SLC25A21: variants seen among roughly 807,000 people sequenced by gnomAD.
SLC25A21 encodes the protein mitochondrial 2-oxodicarboxylate carrier.
SLC25A21 carries 47 observed loss-of-function variants against 43.8 expected under a neutral mutation model. The ratio of observed to expected loss-of-function variants is 1.07; its 90% CI spans 0.85 to 1.37. SLC25A21 has a LOEUF of 1.37. Ranked by LOEUF, SLC25A21 falls within the 40% of genes most tolerant of loss-of-function variation. The pLI, the probability that SLC25A21 is intolerant of heterozygous loss-of-function variation, is 0.00. For synonymous variants in SLC25A21, 131 were observed against 121.3 expected, an observed-to-expected ratio of 1.08 and a Z score of -0.52; for missense variants, 352 against 350.2, an observed-to-expected ratio of 1.00 and a Z score of -0.04.
chr14:36,957,358 A>C (rs1294165927), intron 1 of SLC25A21, among the ~76,000 whole-genome samples: 3 of 152,220 alleles, frequency 2.0e-5, no homozygotes, highest in Non-Finnish European at 4.4e-5. Context: ...TGCTAGGGTG[A>C]AACAGGCTGA....
intron 1 of SLC25A21, among the ~76,000 whole-genome samples, chr14:37,088,484 C>G (rs1183049169): frequency 6.6e-6 from 1 of 152,192 alleles, no homozygotes; most frequent in Non-Finnish European, 1.5e-5. Flanking sequence ...ATTTTTCTGT[C>G]AGACTAAGTC....
At chr14:37,163,231 T>C (rs948456634) in intron 1 of SLC25A21, among the ~76,000 whole-genome samples, 1 of 151,890 alleles carries the variant, frequency 6.6e-6, no homozygotes, top group Non-Finnish European at 1.5e-5. Context: ...GCATGGCACA[T>C]GTATACATAT....
chr14:37,151,477 G>T (rs1423401709), intron 1 of SLC25A21, among the ~76,000 whole-genome samples: 1 of 152,168 alleles, frequency 6.6e-6, no homozygotes, highest in African/African-American at 2.4e-5. Context: ...ACAAGAAATG[G>T]ACTTTTGTAC....
Position 37,172,263 on chromosome 14 carries a change from A to G in SLC25A21, c.70+18T>C. 4 of 1,579,638 alleles carry G rather than the reference A, an allele frequency of 2.5e-6. 1 individual carries two copies. Among genetic ancestry groups the G allele is most frequent in the Middle Eastern group, 1.7e-4 (1 of 5,814 alleles). On this transcript the variant is annotated intron_variant, in intron 1 of 9. Coordinates refer to ENST00000331299, the MANE Select transcript of SLC25A21 (RefSeq NM_030631.4). ...GAAAGCGACTAGCCTCCGGCGGGGC[A>G]GGGCGGGCTGTCCTTACCTGCAGAA...
At chr14:37,130,382 T>G (rs1428801425) in intron 1 of SLC25A21, among the ~76,000 whole-genome samples, 1 of 152,214 alleles carries the variant, frequency 6.6e-6, no homozygotes, top group Admixed American at 6.5e-5. Flanking sequence ...GTCTTGCTAT[T>G]AAAGCAACCT....
At chr14:37,007,720 T>C (rs999055358) in intron 1 of SLC25A21, among the ~76,000 whole-genome samples, 5 of 152,104 alleles carry the variant, frequency 3.3e-5, no homozygotes, top group Admixed American at 3.3e-4. Context: ...CTTGATATTA[T>C]TGGCACGCTT....
chr14:37,031,852 A>G (rs1442885520), intron 1 of SLC25A21, among the ~76,000 whole-genome samples: 2 of 152,212 alleles, frequency 1.3e-5, no homozygotes, highest in Non-Finnish European at 2.9e-5. Flanking sequence ...ATGAGCCCAG[A>G]CTGGCTCTTT....
intron 1 of SLC25A21, among the ~76,000 whole-genome samples, chr14:37,071,243 T>C (rs1238960994): frequency 6.6e-6 from 1 of 152,208 alleles, no homozygotes; most frequent in Non-Finnish European, 1.5e-5. Flanking sequence ...TTTTTAAAAA[T>C]GTTAAATTAA....
At chr14:36,752,341 A>G (rs574715880) in intron 3 of SLC25A21, among the ~76,000 whole-genome samples, 2 of 152,298 alleles carry the variant, frequency 1.3e-5, no homozygotes, top group African/African-American at 4.8e-5. Context: ...AGCGTGGAGG[A>G]TCTTCAAGAA....
At chr14:37,100,700 A>T (rs1197696411) in intron 1 of SLC25A21, among the ~76,000 whole-genome samples, 1 of 152,230 alleles carries the variant, frequency 6.6e-6, no homozygotes, top group Non-Finnish European at 1.5e-5. Flanking sequence ...TCTTGGAAGG[A>T]CAGATCAGTA....
chr14:37,042,387 A>C (rs1961492386), intron 1 of SLC25A21, among the ~76,000 whole-genome samples: 2 of 152,206 alleles, frequency 1.3e-5, no homozygotes, highest in African/African-American at 4.8e-5. Context: ...TTGCAAATGA[A>C]ATAAAAACAA....
chr14:37,113,778 C>A (rs1043979395), intron 1 of SLC25A21, among the ~76,000 whole-genome samples: 5 of 141,348 alleles, frequency 3.5e-5, no homozygotes, highest in Non-Finnish European at 3.0e-5. Context: ...CACTTGAACC[C>A]GGGAGGTGGA....
At chr14:37,116,601 C>A (rs1360857334) in intron 1 of SLC25A21, among the ~76,000 whole-genome samples, 1 of 150,214 alleles carries the variant, frequency 6.7e-6, no homozygotes, top group Admixed American at 6.6e-5. Flanking sequence ...CCTTTTGGTT[C>A]AAAAAAAAAT....
chr14:37,071,666 G>C (rs1373953239), intron 1 of SLC25A21, among the ~76,000 whole-genome samples: 1 of 152,204 alleles, frequency 6.6e-6, no homozygotes, highest in Non-Finnish European at 1.5e-5. Flanking sequence ...TCTAGATCCA[G>C]AGATACATTC....
chr14:36,827,761 C>T (rs2138473861), intron 2 of SLC25A21, among the ~76,000 whole-genome samples: 1 of 152,158 alleles, frequency 6.6e-6, no homozygotes, highest in Middle Eastern at 3.4e-3. Context: ...ATGGTGTATA[C>T]AATAAATACA....
intron 1 of SLC25A21, among the ~76,000 whole-genome samples, chr14:37,000,416 T>C (rs1960462166): frequency 6.6e-6 from 1 of 152,158 alleles, no homozygotes; most frequent in Non-Finnish European, 1.5e-5. Flanking sequence ...AACCCTCCAA[T>C]GGCTTTCCAC....
At chr14:37,085,978 G>A (rs1471029002) in intron 1 of SLC25A21, among the ~76,000 whole-genome samples, 2 of 152,136 alleles carry the variant, frequency 1.3e-5, no homozygotes, top group South Asian at 2.1e-4. Flanking sequence ...GGTGGCGGGC[G>A]CCTGTAGTCC....
At chr14:37,127,732 A>C (rs1398541381) in intron 1 of SLC25A21, among the ~76,000 whole-genome samples, 3 of 152,208 alleles carry the variant, frequency 2.0e-5, no homozygotes, top group Non-Finnish European at 4.4e-5. Flanking sequence ...CAAATAACAT[A>C]AACTAACATA....
intron 7 of SLC25A21, among the ~76,000 whole-genome samples, chr14:36,687,822 C>T (rs956499188): frequency 1.1e-4 from 17 of 152,236 alleles, no homozygotes; most frequent in Admixed American, 1.1e-3. Flanking sequence ...TTTACCAAGT[C>T]TTGCTTCCTT....
Sources: allele counts gnomAD v4.1 joint callset (sites outside exome capture counted in the v4.1 genomes callset), GRCh38; gene constraint gnomAD v4.1.1; transcripts MANE v1.5; gene names NCBI Gene and HGNC (gene_info 2026-07-23, HGNC 2026-07-21).